MPHOSPH9: variants seen among roughly 807,000 people sequenced by gnomAD.
MPHOSPH9 encodes the protein M-phase phosphoprotein 9.
A neutral mutation model predicts 145.5 loss-of-function variants in MPHOSPH9; 88 were observed. The ratio of observed to expected loss-of-function variants is 0.60; its 90% confidence interval spans 0.51 to 0.72. MPHOSPH9 has a LOEUF of 0.72. MPHOSPH9 is among the 30% of genes least tolerant of loss of function. MPHOSPH9 has a pLI of 0.00. For missense variants in MPHOSPH9, 1,238 were observed against 1,386.6 expected (o/e 0.89, Z 1.70); for synonymous variants, 435 against 486.2 (o/e 0.89, Z 1.39).
chr12:123,214,753 A>T lies in MPHOSPH9; in HGVS notation c.1078T>A (p.Ser360Thr), dbSNP rs1292709130. 1 of 1,610,428 alleles carries T rather than the reference A, an allele frequency of 6.2e-7. No individual in the cohort carries two copies. The highest frequency in any genetic ancestry group is 1.1e-5 in the South Asian group (1 of 90,982). The change falls in exon 7 of 24, where the codon TCA becomes ACA. Residue 360 changes from serine to threonine, a missense_variant. Ser to Thr is a moderately conservative substitution (Grantham distance 58). This residue lies in a region of MPHOSPH9 where 837 missense variants were observed against 897.5 expected (regional missense o/e 0.93). Transcript: ENST00000606320. Reference sequence around the variant, plus strand: ...AATGTAAGTATCATACCTGTTCCTGAATCAGACATCCAAGCATTTGGAGTT... The same window carrying T: ...AATGTAAGTATCATACCTGTTCCTGTATCAGACATCCAAGCATTTGGAGTT... ...DETPNAWMSDSGTGLTYWKLE... is the reference protein window; with the variant it reads ...DETPNAWMSDTGTGLTYWKLE...
intron 19 of MPHOSPH9, 24 bp from the exon 20 acceptor site, chr12:123,163,158 A>C: frequency 6.4e-7 from 1 of 1,562,548 alleles, no homozygotes; most frequent in Non-Finnish European, 8.6e-7. Flanking sequence ...TGAAGAGGAA[A>C]TATTCTTTTC....
At chr12:123,235,147 A>G (rs1431576972), upstream of MPHOSPH9, among the ~76,000 whole-genome samples, 1 of 152,208 alleles carries the variant, frequency 6.6e-6, no homozygotes, top group Non-Finnish European at 1.5e-5. Context: ...ACATGCTCCC[A>G]TTTAGTGACC....
At chr12:123,168,642 G>A (rs776282226) in intron 16 of MPHOSPH9, among the ~76,000 whole-genome samples, 3 of 151,520 alleles carry the variant, frequency 2.0e-5, no homozygotes, top group Admixed American at 6.6e-5. Flanking sequence ...GCACCCGGCC[G>A]GCAACATGAC....
intron 13 of MPHOSPH9, among the ~76,000 whole-genome samples, chr12:123,191,789 T>C (rs2045686893): frequency 6.6e-6 from 1 of 152,190 alleles, no homozygotes; most frequent in South Asian, 2.1e-4. Context: ...CAGTCTGACA[T>C]GTCTCCCACT....
At position 123,230,429 on chromosome 12, in the gene MPHOSPH9, T is replaced by A. The variant is rs1318198449; in HGVS notation, c.-65A>T. 3.2e-6 allele frequency: 3 copies of A among 928,410 alleles called. No individual in the cohort carries two copies. The highest frequency in any genetic ancestry group is 5.9e-5 in the Admixed American group (2 of 34,018). 57.5% of individuals were successfully genotyped at this position (928,410 alleles called of 1,614,324 possible). A position where few individuals can be genotyped will look rare whatever the true frequency, so the allele number is the denominator to read the frequency against. On this transcript the variant is annotated 5_prime_UTR_variant, in exon 2 of 24. Coordinates refer to ENST00000606320, the MANE Select transcript of MPHOSPH9 (RefSeq NM_022782.4). ...AGGTTCTTGGGCTGTTTGAGAAAAA[T>A]GAATCCGTGTCATCTTCAGAGGCTT...
intron 13 of MPHOSPH9, among the ~76,000 whole-genome samples, chr12:123,183,473 G>C (rs2045288474): frequency 1.3e-5 from 2 of 149,706 alleles, no homozygotes; most frequent in Admixed American, 1.3e-4. Flanking sequence ...GCTTGAACTT[G>C]GAAGGCAGAG....
rs377703743 is a variant in MPHOSPH9, at chr12:123,176,688, T to C, written c.2456A>G (p.Asn819Ser). The change falls in exon 16 of 24, where the codon AAC (asparagine) becomes AGC (serine). Residue 819 changes from asparagine to serine, a missense_variant and splice_region_variant. Physicochemically the swap from Asn to Ser is conservative, Grantham distance 46 (BLOSUM62 1). Transcript: ENST00000606320. ...SRIHVRPSRA[N>S]TLATSDVSRR... ...ATAGAGAGTAAATGAAATAACTTAC[T>C]TGGCACGCGAGGGTCTCACGTGAAT... 3.1e-6 allele frequency: 5 copies of C among 1,608,006 alleles called. No individual in the cohort carries two copies. In the African/African-American group the frequency reaches 6.7e-5, roughly 21 times the overall value.
intron 3 of MPHOSPH9, among the ~76,000 whole-genome samples, chr12:123,223,624 G>C (rs1172610564): frequency 6.6e-6 from 1 of 152,130 alleles, no homozygotes; most frequent in Non-Finnish European, 1.5e-5. Context: ...CTCTTGCACA[G>C]CTCTCACCAT....
chr12:123,222,358 T>C (rs574577513), intron 4 of MPHOSPH9, among the ~76,000 whole-genome samples: 3 of 140,608 alleles, frequency 2.1e-5, no homozygotes, highest in Admixed American at 1.4e-4. Flanking sequence ...TAACGTATTG[T>C]TTTTTCTTAC....
At position 123,166,667 on chromosome 12, in the gene MPHOSPH9, GTTTC is replaced by G; in HGVS notation, c.2575_2578del (p.Glu859ProfsTer4). The G allele has an allele frequency of 2.5e-6, 4 of 1,613,342 alleles. No individual in the cohort carries two copies. Among genetic ancestry groups the G allele is most frequent in the Non-Finnish European group, 3.4e-6 (4 of 1,179,794 alleles). On this transcript the variant is annotated frameshift_variant, in exon 17 of 24. Coordinates refer to ENST00000606320, the MANE Select transcript of MPHOSPH9 (RefSeq NM_022782.4). LOFTEE classifies it high-confidence loss of function. ...AAAGTTATCTCACCCTAGGCTACAG[GTTTC>G]CTCCAGCTGGTTATCCACGTTACTG...
intron 13 of MPHOSPH9, among the ~76,000 whole-genome samples, chr12:123,192,489 A>C (rs191157299): frequency 6.6e-6 from 1 of 151,552 alleles, no homozygotes; most frequent in African/African-American, 2.4e-5. Flanking sequence ...TTGTCAGGGC[A>C]TAGTGGCATG....
intron 16 of MPHOSPH9, among the ~76,000 whole-genome samples, chr12:123,171,347 G>A (rs987250030): frequency 6.6e-6 from 1 of 152,086 alleles, no homozygotes; most frequent in African/African-American, 2.4e-5. Flanking sequence ...CCAGCTACTC[G>A]GGAGGCTGAG....
Position 123,163,975 on chromosome 12 carries a change from A to G in MPHOSPH9, c.2883T>C (p.Pro961=). ...SASQRSSSLP[P]SNRKSSTPTK... ...TTGGAGTACTTGATTTACGATTTGA[A>G]GGTGGTAAAGATGATGATCTCTGTG... The change falls in exon 19 of 24, where the codon CCT becomes CCC. Residue 961 remains proline, a synonymous_variant. Coordinates refer to ENST00000606320, the MANE Select transcript of MPHOSPH9 (RefSeq NM_022782.4). 6.2e-7 allele frequency: 1 copy of G among 1,614,148 alleles called. No homozygotes were observed. Among genetic ancestry groups the G allele is most frequent in the Non-Finnish European group, 8.5e-7 (1 of 1,179,994 alleles).
chr12:123,193,796 C>G (rs909196816), intron 13 of MPHOSPH9, among the ~76,000 whole-genome samples: 2 of 149,604 alleles, frequency 1.3e-5, no homozygotes, highest in African/African-American at 4.9e-5. Context: ...GTTAAGATAG[C>G]TTGAAAGTTG....
chr12:123,158,880 C>T (rs904242230), intron 23 of MPHOSPH9, among the ~76,000 whole-genome samples: 3 of 152,196 alleles, frequency 2.0e-5, no homozygotes, highest in Non-Finnish European at 4.4e-5. Context: ...ATCTGCCCAC[C>T]TTGGCCTCCC....
intron 2 of MPHOSPH9, among the ~76,000 whole-genome samples, chr12:123,229,684 A>G (rs187230588): frequency 2.0e-5 from 3 of 152,350 alleles, no homozygotes; most frequent in Middle Eastern, 3.4e-3. Flanking sequence ...AACAAACAAA[A>G]AAGTATAAAG....
intron 16 of MPHOSPH9, among the ~76,000 whole-genome samples, chr12:123,168,948 G>A (rs1235978126): frequency 2.0e-5 from 3 of 150,892 alleles, no homozygotes; most frequent in Non-Finnish European, 3.0e-5. Context: ...GCAGTGGCGC[G>A]ATCTCGGCTC....
rs763025130 is a variant in MPHOSPH9, at chr12:123,165,405, T to C, written c.2664A>G (p.Arg888=). The change falls in exon 18 of 24, where the codon AGA becomes AGG. Residue 888 remains arginine (R), a synonymous_variant. Transcript: ENST00000606320. Reference sequence around the variant, plus strand: ...TCATGATCGGCGTGTCTGAAGTCTCTCTTTGCTTTTTTATCAACAAGCTTG... The same window carrying C: ...TCATGATCGGCGTGTCTGAAGTCTCCCTTTGCTTTTTTATCAACAAGCTTG... ...SSTSLLIKKQ[R]ETSDTPIMRA... The C allele has an allele frequency of 5.6e-6, 9 of 1,613,960 alleles. No homozygotes were observed. The highest frequency in any genetic ancestry group is 5.9e-6 in the Non-Finnish European group (7 of 1,179,940).
intron 19 of MPHOSPH9, chr12:123,163,357 C>G (rs2044187078): frequency 2.3e-6 from 1 of 435,924 alleles, no homozygotes; most frequent in Admixed American, 4.4e-5. Flanking sequence ...TTTCAGCACT[C>G]TGACTCAAAA....
Sources: allele counts gnomAD v4.1 joint callset (sites outside exome capture counted in the v4.1 genomes callset), GRCh38; gene constraint gnomAD v4.1.1; regional missense constraint gnomAD v4.1.1; transcripts MANE v1.5; gene names NCBI Gene and HGNC (gene_info 2026-07-23, HGNC 2026-07-21).